The following C7orf78 variants were observed in gnomAD, a reference collection of about 807,000 sequenced individuals.
C7orf78 encodes the protein putative uncharacterized protein C7orf78.
chr7:12,509,283 G>C, the C7orf78 span, among the ~76,000 whole-genome samples: 1 of 152,188 alleles, frequency 6.6e-6, no homozygotes, highest in African/African-American at 2.4e-5. Context: ...GACCCTCTAG[G>C]ATAATTGCTT....
chr7:12,490,464 A>AGGATAT, the C7orf78 span, among the ~76,000 whole-genome samples: 1 of 152,158 alleles, frequency 6.6e-6, no homozygotes, highest in African/African-American at 2.4e-5. Context: ...CCATGAAAAC[A>AGGATAT]GGATATATTT....
At chr7:12,515,307 T>A in the C7orf78 span, among the ~76,000 whole-genome samples, 15 of 152,320 alleles carry the variant, frequency 9.8e-5, no homozygotes, top group African/African-American at 3.6e-4. Flanking sequence ...TATCAGGAGT[T>A]TCTGCTTTTG....
the C7orf78 span, among the ~76,000 whole-genome samples, chr7:12,500,587 A>G: frequency 2.0e-5 from 3 of 151,220 alleles, no homozygotes; most frequent in Non-Finnish European, 4.4e-5. Context: ...GGCAATAATC[A>G]ATAGCTTACC....
the C7orf78 span, chr7:12,523,562 C>CT: frequency 7.6e-6 from 3 of 392,734 alleles, no homozygotes; most frequent in African/African-American, 4.1e-5. Context: ...ATAATGCTGC[C>CT]TTTTTTTCTC....
the C7orf78 span, among the ~76,000 whole-genome samples, chr7:12,537,864 T>TTA: frequency 2.6e-5 from 4 of 152,162 alleles, no homozygotes; most frequent in Admixed American, 6.5e-5. Context: ...ACAAACATAC[T>TTA]TAGGAGTTTT....
the C7orf78 span, among the ~76,000 whole-genome samples, chr7:12,512,247 G>A: frequency 6.6e-6 from 1 of 151,984 alleles, no homozygotes; most frequent in Non-Finnish European, 1.5e-5. Context: ...GGTGAAAGTG[G>A]GTATTTTTGC....
chr7:12,534,088 A>G, the C7orf78 span, among the ~76,000 whole-genome samples: 1 of 152,094 alleles, frequency 6.6e-6, no homozygotes, highest in Admixed American at 6.6e-5. Flanking sequence ...AAATGGCTTT[A>G]TTTTTCTCAA....
At chr7:12,516,606 C>T in the C7orf78 span, among the ~76,000 whole-genome samples, 1 of 152,210 alleles carries the variant, frequency 6.6e-6, no homozygotes, top group Admixed American at 6.5e-5. Flanking sequence ...CACTCAATGC[C>T]AGCCCGTGAA....
the C7orf78 span, among the ~76,000 whole-genome samples, chr7:12,535,445 A>G: frequency 3.9e-5 from 6 of 152,286 alleles, no homozygotes; most frequent in East Asian, 7.7e-4. Flanking sequence ...AACTGTCCCC[A>G]TGATTCAATT....
At chr7:12,497,142 C>T in the C7orf78 span, among the ~76,000 whole-genome samples, 1 of 151,964 alleles carries the variant, frequency 6.6e-6, no homozygotes, top group Non-Finnish European at 1.5e-5. Context: ...AGATTTTGGA[C>T]CAAAGAAGAG....
At chr7:12,522,514 G>A in the C7orf78 span, among the ~76,000 whole-genome samples, 6 of 152,004 alleles carry the variant, frequency 3.9e-5, no homozygotes, top group Non-Finnish European at 7.4e-5. Flanking sequence ...CTACTTCTAG[G>A]TCAAATGTTA....
At chr7:12,514,054 T>G in the C7orf78 span, among the ~76,000 whole-genome samples, 1 of 152,026 alleles carries the variant, frequency 6.6e-6, no homozygotes, top group Non-Finnish European at 1.5e-5. Flanking sequence ...TTGGAGAAAA[T>G]GTTCTGTAAA....
chr7:12,508,018 T>G, the C7orf78 span, among the ~76,000 whole-genome samples: 1 of 152,216 alleles, frequency 6.6e-6, no homozygotes, highest in African/African-American at 2.4e-5. Flanking sequence ...AATCTCAGTC[T>G]ACATCATGCT....
At chr7:12,536,224 A>G in the C7orf78 span, among the ~76,000 whole-genome samples, 1 of 152,114 alleles carries the variant, frequency 6.6e-6, no homozygotes, top group Non-Finnish European at 1.5e-5. Flanking sequence ...ATGTTTCCCT[A>G]CATTTTCTGA....
chr7:12,531,024 G>A, the C7orf78 span: 1 of 398,284 alleles, frequency 2.5e-6, no homozygotes, highest in African/African-American at 2.1e-5. Flanking sequence ...GACATAGAAG[G>A]CAGCGTGATG....
chr7:12,536,004 G>A, the C7orf78 span, among the ~76,000 whole-genome samples: 1 of 152,164 alleles, frequency 6.6e-6, no homozygotes, highest in Non-Finnish European at 1.5e-5. Flanking sequence ...AGTGTCTATG[G>A]CTTTTCCAGG....
At chr7:12,512,712 G>A in the C7orf78 span, among the ~76,000 whole-genome samples, 15 of 152,116 alleles carry the variant, frequency 9.9e-5, no homozygotes, top group African/African-American at 3.6e-4. Flanking sequence ...TGTAGAATGA[G>A]TTAGTTTTCT....
chr7:12,517,706 C>T, the C7orf78 span, among the ~76,000 whole-genome samples: 1 of 152,092 alleles, frequency 6.6e-6, no homozygotes, highest in East Asian at 1.9e-4. Flanking sequence ...ATTAAATGAA[C>T]TCTTCAGTTC....
the C7orf78 span, among the ~76,000 whole-genome samples, chr7:12,503,966 A>G: frequency 6.6e-6 from 1 of 152,170 alleles, no homozygotes; most frequent in Admixed American, 6.6e-5. Context: ...AAAGGAAACA[A>G]AAAGAAAATT....
Sources: gnomAD v4.1 joint callset for allele counts (sites outside exome capture counted in the v4.1 genomes callset) on GRCh38, gnomAD v4.1.1 for gene constraint, MANE v1.5 for transcripts, NCBI Gene and HGNC (gene_info 2026-07-23, HGNC 2026-07-21) for gene names.